The following CNOT7 variants were observed in gnomAD, a reference collection of about 807,000 sequenced individuals.
The protein encoded by CNOT7 is CCR4-NOT transcription complex subunit 7, also known as BTG1-binding factor 1.
In CNOT7, 4 loss-of-function variants were observed where a neutral mutation model predicts 37.1. That is an observed-to-expected ratio of 0.11 (90% CI 0.05 to 0.25). The LOEUF is 0.25. Among genes scored for constraint, CNOT7 ranks in the 10% least tolerant of loss-of-function variants. The pLI, the probability that CNOT7 is intolerant of heterozygous loss-of-function variation, is 1.00. For missense variants in CNOT7, 170 were observed against 336.2 expected (o/e 0.51, Z 3.87); for synonymous variants, 128 against 115.6 (o/e 1.11, Z -0.69).
Position 17,245,259 on chromosome 8 carries a change from A to T in CNOT7, c.-95-12T>A. 8.4e-7 allele frequency: 1 copy of T among 1,191,982 alleles called. No homozygotes were observed. The highest frequency in any genetic ancestry group is 1.8e-5 in the South Asian group (1 of 54,556). The allele number at this position is 1,191,982 out of a possible 1,614,324, so 73.8% of individuals were successfully genotyped here. ...CTTTATTTATGTACCTGTCAAAATA[A>T]AAAAACAATATGAAGACCAGATATA... On this transcript the variant is annotated splice_polypyrimidine_tract_variant and intron_variant, in intron 1 of 6. Coordinates refer to ENST00000361272, the MANE Select transcript of CNOT7 (RefSeq NM_013354.7).
intron 3 of CNOT7, among the ~76,000 whole-genome samples, chr8:17,239,051 A>C (rs766157666): frequency 1.6e-4 from 24 of 152,162 alleles, no homozygotes; most frequent in Non-Finnish European, 3.2e-4. Context: ...AAAAACCACT[A>C]TTCTGTTGAT....
chr8:17,239,754 A>C (rs910501704), intron 3 of CNOT7, among the ~76,000 whole-genome samples: 1 of 152,214 alleles, frequency 6.6e-6, no homozygotes, highest in Non-Finnish European at 1.5e-5. Context: ...CGGCCTCCCA[A>C]AGTGCTGGGA....
intron 3 of CNOT7, among the ~76,000 whole-genome samples, chr8:17,240,014 T>C (rs969705737): frequency 6.6e-6 from 1 of 152,206 alleles, no homozygotes; most frequent in African/African-American, 2.4e-5. Context: ...CACTGAGTTA[T>C]AAAGACCACG....
Position 17,226,828 on chromosome 8 carries a change from T to C in CNOT7, c.*3892A>G, listed in dbSNP as rs900189575. 4.6e-5 allele frequency: 7 copies of C among 151,758 alleles called. No individual in the cohort carries two copies. Among genetic ancestry groups the C allele is most frequent in the Non-Finnish European group, 1.0e-4 (7 of 67,750 alleles). The allele number at this position is 151,758 out of a possible 1,614,324, so 9.4% of individuals were successfully genotyped here. A position where few individuals can be genotyped will look rare whatever the true frequency, so the allele number is the denominator to read the frequency against. ...TCATTAAGAAACATTTTCAAGTCTG[T>C]GGCAAAAGTTAATTTCCAAAGTTAC... On this transcript the variant is annotated 3_prime_UTR_variant, in exon 7 of 7. Transcript: ENST00000361272.
At chr8:17,236,199 A>T (rs1809337893) in intron 4 of CNOT7, among the ~76,000 whole-genome samples, 1 of 152,236 alleles carries the variant, frequency 6.6e-6, no homozygotes, top group African/African-American at 2.4e-5. Context: ...CCACATGAAC[A>T]GTCCTTCACT....
At position 17,229,562 on chromosome 8, in the gene CNOT7, T is replaced by C. The variant is rs1468773042; in HGVS notation, c.*1158A>G. 6.6e-6 allele frequency: 1 copy of C among 152,072 alleles called. No homozygotes were observed. Among genetic ancestry groups the C allele is most frequent in the Non-Finnish European group, 1.5e-5 (1 of 67,760 alleles). The allele number at this position is 152,072 out of a possible 1,614,324, so 9.4% of individuals were successfully genotyped here. On this transcript the variant is annotated 3_prime_UTR_variant, in exon 7 of 7. Transcript: ENST00000361272. ...TTTCACAGTCTCTTTTGTCAATATA[T>C]ATAAAATAGATTGCAAAGATATACA...
chr8:17,244,094 A>G (rs1044521085), intron 2 of CNOT7, among the ~76,000 whole-genome samples: 3 of 152,346 alleles, frequency 2.0e-5, no homozygotes, highest in South Asian at 2.1e-4. Flanking sequence ...ATTGAATACT[A>G]TATGTGTTAT....
At chr8:17,244,898 G>A (rs1010099300) in intron 2 of CNOT7, 138 bp downstream of exon 2, 4 of 692,924 alleles carry the variant, frequency 5.8e-6, no homozygotes, top group East Asian at 5.2e-5. Flanking sequence ...GATTTTGGCT[G>A]GAGGGCAGTG....
chr8:17,235,163 A>C (rs1409265090), intron 4 of CNOT7, among the ~76,000 whole-genome samples: 1 of 152,216 alleles, frequency 6.6e-6, no homozygotes, highest in Non-Finnish European at 1.5e-5. Flanking sequence ...GAGAACACCA[A>C]GAAGAGTATC....
At chr8:17,244,843 T>C in intron 2 of CNOT7, 193 bp downstream of exon 2, 1 of 528,064 alleles carries the variant, frequency 1.9e-6, no homozygotes. Flanking sequence ...CTCACTGCAA[T>C]GAGGGATAAA....
At chr8:17,243,231 T>C in intron 2 of CNOT7, 46 bp from the exon 3 acceptor site, 1 of 1,434,374 alleles carries the variant, frequency 7.0e-7, no homozygotes, top group South Asian at 1.3e-5. Context: ...CAGTCAAAAC[T>C]ACAATCCACA....
chr8:17,231,290 C>G (rs986264740), intron 6 of CNOT7, among the ~76,000 whole-genome samples: 1 of 152,056 alleles, frequency 6.6e-6, no homozygotes, highest in East Asian at 1.9e-4. Flanking sequence ...TCCAAACATT[C>G]ACACTCTATT....
rs996771199 is a variant in CNOT7 at position 17,229,416 on chromosome 8, T to C, written c.*1304A>G. On this transcript the variant is annotated 3_prime_UTR_variant, in exon 7 of 7. Transcript: ENST00000361272. ...TTTGGAGATTTGCTAATATTACTGATTGAAGTGTAGGTAACACACATTATA... is the reference window on the plus strand; with the variant it reads ...TTTGGAGATTTGCTAATATTACTGACTGAAGTGTAGGTAACACACATTATA... 1.3e-5 allele frequency: 2 copies of C among 152,336 alleles called. No individual in the cohort carries two copies. Among genetic ancestry groups the C allele is most frequent in the African/African-American group, 2.4e-5 (1 of 41,414 alleles). 9.4% of individuals were successfully genotyped at this position (152,336 alleles called of 1,614,324 possible). A position where few individuals can be genotyped will look rare whatever the true frequency, so the allele number is the denominator to read the frequency against.
intron 4 of CNOT7, 28 bp from the exon 5 acceptor site, chr8:17,234,888 G>T (rs756766697): frequency 6.2e-7 from 1 of 1,604,546 alleles, no homozygotes; most frequent in East Asian, 2.2e-5. Context: ...GAATAGAGAA[G>T]AGGGACATAT....
At chr8:17,242,076 T>G (rs1052894547) in intron 3 of CNOT7, 6 of 152,114 alleles carry the variant, frequency 3.9e-5, no homozygotes, top group Non-Finnish European at 5.9e-5. Context: ...TGGGACAACT[T>G]AGCCACACCA....
intron 3 of CNOT7, among the ~76,000 whole-genome samples, chr8:17,240,863 T>C (rs1417897028): frequency 6.6e-6 from 1 of 152,214 alleles, no homozygotes; most frequent in Admixed American, 6.5e-5. Flanking sequence ...ATAAATGAGG[T>C]GTTCAATCTT....
Position 17,229,402 on chromosome 8 carries a change from G to T in CNOT7, c.*1318C>A, listed in dbSNP as rs1288460650. ...CAATGTGACTAACATTTGGAGATTT[G>T]CTAATATTACTGATTGAAGTGTAGG... On this transcript the variant is annotated 3_prime_UTR_variant, in exon 7 of 7. Coordinates refer to ENST00000361272, the MANE Select transcript of CNOT7 (RefSeq NM_013354.7). 1 of 152,262 alleles carries T rather than the reference G, an allele frequency of 6.6e-6. No homozygotes were observed. Among genetic ancestry groups the T allele is most frequent in the South Asian group, 2.1e-4 (1 of 4,828 alleles). The allele number at this position is 152,262 out of a possible 1,614,324, so 9.4% of individuals were successfully genotyped here.
At position 17,225,009 on chromosome 8, in the gene CNOT7, T is replaced by TA. The variant is rs1808070371; in HGVS notation, c.*5710dup. ...TTATTATGCATGGGTTTCGCAGTGATACAAGACACCTGCTCACAACTTACA... is the reference window on the plus strand; with the variant it reads ...TTATTATGCATGGGTTTCGCAGTGATAACAAGACACCTGCTCACAACTTACA... On this transcript the variant is annotated 3_prime_UTR_variant, in exon 7 of 7. Coordinates refer to ENST00000361272, the MANE Select transcript of CNOT7 (RefSeq NM_013354.7). The TA allele has an allele frequency of 6.6e-6, 1 of 151,758 alleles. No individual in the cohort carries two copies. Among genetic ancestry groups the TA allele is most frequent in the Admixed American group, 6.6e-5 (1 of 15,210 alleles). The allele number at this position is 151,758 out of a possible 1,614,324, so 9.4% of individuals were successfully genotyped here. A position where few individuals can be genotyped will look rare whatever the true frequency, so the allele number is the denominator to read the frequency against.
In CNOT7 at chr8:17,226,802, T is replaced by C. The variant is rs1344831581; in HGVS notation, c.*3918A>G. On this transcript the variant is annotated 3_prime_UTR_variant, in exon 7 of 7. Transcript: ENST00000361272. ...TTGTACCTTGTAATTTCAGGTCAAATTCATTAAGAAACATTTTCAAGTCTG... is the reference window on the plus strand; with the variant it reads ...TTGTACCTTGTAATTTCAGGTCAAACTCATTAAGAAACATTTTCAAGTCTG... The C allele has an allele frequency of 2.0e-5, 3 of 151,766 alleles. No homozygotes were observed. Among genetic ancestry groups the C allele is most frequent in the Non-Finnish European group, 4.4e-5 (3 of 67,758 alleles). 9.4% of individuals were successfully genotyped at this position (151,766 alleles called of 1,614,324 possible). A position where few individuals can be genotyped will look rare whatever the true frequency, so the allele number is the denominator to read the frequency against.
Sources: gnomAD v4.1 joint callset for allele counts (sites outside exome capture counted in the v4.1 genomes callset) on GRCh38, gnomAD v4.1.1 for gene constraint, MANE v1.5 for transcripts, NCBI Gene and HGNC (gene_info 2026-07-23, HGNC 2026-07-21) for gene names.